The following CDKL4 variants were observed in gnomAD, a reference collection of about 807,000 sequenced individuals.
CDKL4 encodes cyclin dependent kinase like 4, also known as cyclin-dependent kinase-like 4.
In CDKL4, 44 loss-of-function variants were observed where a neutral mutation model predicts 42.0. That is an observed-to-expected ratio of 1.05 (90% CI 0.82 to 1.35). The LOEUF (loss-of-function observed/expected upper bound fraction) is 1.35. CDKL4 is among the 40% of genes most tolerant of loss of function. The pLI is 0.00. For synonymous variants in CDKL4, 120 were observed against 121.6 expected (o/e 0.99, Z 0.09); for missense variants, 393 against 369.9 (o/e 1.06, Z -0.51).
intron 1 of CDKL4, among the ~76,000 whole-genome samples, chr2:39,231,724 A>C (rs1489510639): frequency 6.6e-6 from 1 of 152,218 alleles, no homozygotes; most frequent in Non-Finnish European, 1.5e-5. Context: ...GGCTGGAAAG[A>C]GAGTAGGAGA....
chr2:39,195,203 A>G (rs2148314264), intron 5 of CDKL4, among the ~76,000 whole-genome samples: 1 of 152,306 alleles, frequency 6.6e-6, no homozygotes, highest in Non-Finnish European at 1.5e-5. Flanking sequence ...TTATCCACTC[A>G]TCCTTGATGG....
intron 4 of CDKL4, among the ~76,000 whole-genome samples, chr2:39,207,127 T>C (rs1157516180): frequency 6.6e-6 from 1 of 152,182 alleles, no homozygotes; most frequent in Non-Finnish European, 1.5e-5. Context: ...CGCTGATGCC[T>C]GTAATACTTG....
At chr2:39,179,320 C>G in exon 9 of CDKL4, 1 of 1,588,110 alleles carries the variant, frequency 6.3e-7, no homozygotes, top group Non-Finnish European at 8.5e-7. Context: ...CTTCAGACAC[C>G]CCTTTGGAGG....
At chr2:39,209,152 T>TAAAAA (rs1558566471) in intron 4 of CDKL4, among the ~76,000 whole-genome samples, 2 of 148,260 alleles carry the variant, frequency 1.3e-5, no homozygotes, top group Non-Finnish European at 1.5e-5. Flanking sequence ...AAAAAAAAAT[T>TAAAAA]TTTTTTTTAA....
intron 5 of CDKL4, among the ~76,000 whole-genome samples, chr2:39,203,509 T>C (rs1283433651): frequency 6.6e-6 from 1 of 152,220 alleles, no homozygotes; most frequent in East Asian, 1.9e-4. Flanking sequence ...ATGACTATCA[T>C]TCACTTAATT....
chr2:39,229,492 G>A lies in CDKL4; in HGVS notation c.41C>T (p.Ser14Phe), dbSNP rs147155601. ...TCTGCATTTGAATACAACCCCATAA[G>A]ACCCTTCTCCAGTCTTAGCTAATTT... The change falls in exon 2 of 10, where the codon TCT becomes TTT. Residue 14 changes from serine (S) to phenylalanine (F), a missense_variant. By Grantham distance (155) the Ser-to-Phe change is radical. Coordinates refer to ENST00000451199, the Ensembl canonical transcript of CDKL4. 30 of 1,611,254 alleles carry A rather than the reference G, an allele frequency of 1.9e-5. No homozygotes were observed. The African/African-American group carries it at 3.2e-4, about 17-fold the overall frequency.
intron 3 of CDKL4, 114 bp from the exon 4 acceptor site, chr2:39,213,586 G>A (rs10196407): frequency 1.4e-5 from 8 of 564,084 alleles, no homozygotes; most frequent in African/African-American, 7.6e-5. Flanking sequence ...AACACCATGC[G>A]GAAGGGTCCT....
intron 4 of CDKL4, among the ~76,000 whole-genome samples, chr2:39,207,934 T>C (rs1677304789): frequency 6.6e-6 from 1 of 152,068 alleles, no homozygotes; most frequent in African/African-American, 2.4e-5. Flanking sequence ...AAACCCTGTC[T>C]CTACTAAACA....
Position 39,196,286 on chromosome 2 carries a change from A to C in CDKL4, c.455-5784T>G, listed in dbSNP as rs548899623. 4.6e-5 allele frequency among the ~76,000 whole-genome samples: 7 copies of C among 152,290 alleles called. No individual in the cohort carries two copies. In the South Asian group the frequency reaches 1.5e-3, roughly 32 times the overall value. On this transcript the variant is annotated intron_variant, in intron 5 of 9. Coordinates refer to ENST00000451199, the Ensembl canonical transcript of CDKL4. ...TCCACTTCACTCCCCTGCTACCTCT[A>C]CCAGAGCAGGTGCTGGTATCCATAG...
At chr2:39,215,262 C>A (rs1264658021) in intron 3 of CDKL4, among the ~76,000 whole-genome samples, 1 of 152,130 alleles carries the variant, frequency 6.6e-6, no homozygotes, top group East Asian at 1.9e-4. Flanking sequence ...ATTTTTCACA[C>A]CCTTATTGGA....
rs73930525 is a variant in CDKL4 at position 39,180,156 on chromosome 2, C to G, written c.793-835G>C. On this transcript the variant is annotated intron_variant, in intron 8 of 9. Transcript: ENST00000451199. ...TGGTGGCTCATGCCTGTAATCCCAG[C>G]ACTTTGGGAGTCCAGAGGTCTAGAC... Among the ~76,000 whole-genome samples, 1,333 of 152,276 alleles carry G rather than the reference C, an allele frequency of 8.8e-3. 24 individuals carry two copies. Among genetic ancestry groups the G allele is most frequent in the African/African-American group, 0.03 (1,244 of 41,548 alleles).
At chr2:39,205,578 G>C (rs1677113107) in intron 4 of CDKL4, among the ~76,000 whole-genome samples, 1 of 151,732 alleles carries the variant, frequency 6.6e-6, no homozygotes. Flanking sequence ...GGCCAACACG[G>C]TGAAACCCCG....
chr2:39,168,447 T>A, the CDKL4 span, among the ~76,000 whole-genome samples: 2 of 152,296 alleles, frequency 1.3e-5, no homozygotes, highest in Non-Finnish European at 2.9e-5. Context: ...AAAAGTTGAC[T>A]GAGCCAGGCC....
chr2:39,241,200 G>T (rs1016759771), intron 1 of CDKL4, among the ~76,000 whole-genome samples: 1 of 152,136 alleles, frequency 6.6e-6, no homozygotes, highest in Non-Finnish European at 1.5e-5. Flanking sequence ...AAGTATTTAC[G>T]GGTGAAGGGA....
At chr2:39,186,341 A>G (rs950384586) in intron 7 of CDKL4, among the ~76,000 whole-genome samples, 4 of 152,330 alleles carry the variant, frequency 2.6e-5, no homozygotes, top group Non-Finnish European at 2.9e-5. Context: ...GACAGTTCAC[A>G]TCTATCATAG....
intron 4 of CDKL4, among the ~76,000 whole-genome samples, chr2:39,207,245 G>C (rs968657034): frequency 1.3e-5 from 2 of 152,070 alleles, no homozygotes; most frequent in Admixed American, 6.5e-5. Flanking sequence ...AATTAGCTAG[G>C]TGTGTGGCGT....
chr2:39,206,032 C>A (rs1045678395), intron 4 of CDKL4, among the ~76,000 whole-genome samples: 1 of 144,276 alleles, frequency 6.9e-6, no homozygotes, highest in African/African-American at 2.6e-5. Flanking sequence ...GCACGCTGAC[C>A]TCAAAGCAGC....
intron 4 of CDKL4, among the ~76,000 whole-genome samples, chr2:39,205,983 G>A (rs530590136): frequency 2.0e-5 from 3 of 152,058 alleles, no homozygotes; most frequent in South Asian, 2.1e-4. Context: ...GACGGCCCAC[G>A]ATGCTGTCAG....
At chr2:39,238,292 G>A (rs6544211) in intron 1 of CDKL4, among the ~76,000 whole-genome samples, 35 of 152,062 alleles carry the variant, frequency 2.3e-4, no homozygotes, top group African/African-American at 7.7e-4. Flanking sequence ...ATTAGCCAGG[G>A]TCTAGTGGCC....
Sources: gnomAD v4.1 joint callset for allele counts (sites outside exome capture counted in the v4.1 genomes callset) on GRCh38, gnomAD v4.1.1 for gene constraint, MANE v1.5 for transcripts, NCBI Gene and HGNC (gene_info 2026-07-23, HGNC 2026-07-21) for gene names.